Variants in DOCK2 observed in about 807,000 individuals in gnomAD.
The protein encoded by DOCK2 is dedicator of cytokinesis protein 2.
A neutral mutation model predicts 248.9 loss-of-function variants in DOCK2; 87 were observed. The observed-to-expected ratio is 0.35, with a 90% CI of 0.29 to 0.42. DOCK2 has a LOEUF of 0.42. DOCK2 is among the 10% of genes least tolerant of loss of function. The pLI is 1.00. For synonymous variants in DOCK2, 805 were observed against 821.6 expected (o/e 0.98, Z 0.35); for missense variants, 1,747 against 2,300.2 (o/e 0.76, Z 4.92).
intron 3 of DOCK2, 137 bp from the exon 4 acceptor site, chr5:169,670,405 G>T (rs1758981732): frequency 2.0e-6 from 2 of 983,636 alleles, no homozygotes; most frequent in Admixed American, 3.0e-5. Context: ...TCTGGCTCTG[G>T]GTTTATTCCT....
intron 23 of DOCK2, among the ~76,000 whole-genome samples, chr5:169,753,356 AC>A (rs1166233661): frequency 0.025 from 3,567 of 140,154 alleles, 130 homozygotes; most frequent in African/African-American, 0.088. Flanking sequence ...CCCTGCCCTC[AC>A]CCCCCCCCAC....
intron 27 of DOCK2, among the ~76,000 whole-genome samples, chr5:169,921,676 C>T (rs978341337): frequency 4.6e-5 from 7 of 152,166 alleles, no homozygotes; most frequent in African/African-American, 1.7e-4. Context: ...TGGAGAGGAG[C>T]ACTTGGGAGA....
chr5:169,647,282 G>A (rs2113127899), intron 1 of DOCK2, among the ~76,000 whole-genome samples: 1 of 152,258 alleles, frequency 6.6e-6, no homozygotes, highest in South Asian at 2.1e-4. Flanking sequence ...ATAGGTGGAT[G>A]GATAGTTGTT....
chr5:169,790,534 C>A (rs941338429), intron 25 of DOCK2, among the ~76,000 whole-genome samples: 1 of 152,136 alleles, frequency 6.6e-6, no homozygotes, highest in African/African-American at 2.4e-5. Context: ...GTATTCAGAC[C>A]AAAGTGTAGT....
chr5:169,859,402 G>A (rs956107830), intron 27 of DOCK2, among the ~76,000 whole-genome samples: 29 of 152,210 alleles, frequency 1.9e-4, no homozygotes, highest in South Asian at 4.1e-4. Context: ...AGTCAAATGT[G>A]GTTTGTGCTG....
At chr5:169,912,386 G>GTT (rs1774645943) in intron 27 of DOCK2, among the ~76,000 whole-genome samples, 1 of 152,050 alleles carries the variant, frequency 6.6e-6, no homozygotes, top group Non-Finnish European at 1.5e-5. Context: ...ATTGTCTATT[G>GTT]GCTTTCAGGA....
At chr5:169,846,671 T>C (rs113451103) in intron 27 of DOCK2, among the ~76,000 whole-genome samples, 2,300 of 151,200 alleles carry the variant, frequency 0.015, 21 homozygotes, top group Middle Eastern at 0.055. Flanking sequence ...TATATATATA[T>C]ACACACACAC....
chr5:169,699,368 C>CT lies in DOCK2; in HGVS notation c.1056-10dup, dbSNP rs1219978422. On this transcript the variant is annotated splice_polypyrimidine_tract_variant and intron_variant, in intron 11 of 51. Coordinates refer to ENST00000520908, the MANE Select transcript of DOCK2 (RefSeq NM_004946.3). ...ACACGATGTGGACATTTCATGCTCT[C>CT]TTTTCCTTTCCAGGGTTACAGCTGA... The CT allele has an allele frequency of 2.5e-6, 4 of 1,612,034 alleles. No individual in the cohort carries two copies. Among genetic ancestry groups the CT allele is most frequent in the Admixed American group, 3.3e-5 (2 of 59,818 alleles).
intron 26 of DOCK2, among the ~76,000 whole-genome samples, chr5:169,820,630 A>T (rs1358766035): frequency 6.6e-6 from 1 of 152,246 alleles, no homozygotes; most frequent in South Asian, 2.1e-4. Context: ...CGTCACCATC[A>T]TCAAAGATCA....
intron 9 of DOCK2, among the ~76,000 whole-genome samples, chr5:169,693,899 A>T (rs1318580746): frequency 1.3e-5 from 2 of 152,168 alleles, no homozygotes; most frequent in Non-Finnish European, 2.9e-5. Context: ...AGCTGGTTGG[A>T]TGAGGCCCAC....
At chr5:170,046,789 C>G (rs1429252036) in intron 39 of DOCK2, among the ~76,000 whole-genome samples, 1 of 151,944 alleles carries the variant, frequency 6.6e-6, no homozygotes, top group African/African-American at 2.4e-5. Flanking sequence ...CACACACACA[C>G]AGGATACATT....
At chr5:169,996,787 G>A (rs1254146580) in intron 30 of DOCK2, among the ~76,000 whole-genome samples, 7 of 152,164 alleles carry the variant, frequency 4.6e-5, no homozygotes, top group Admixed American at 1.3e-4. Flanking sequence ...GGAAGTCTCC[G>A]ATCCCTAGCA....
intron 23 of DOCK2, among the ~76,000 whole-genome samples, chr5:169,750,142 G>A (rs745935329): frequency 6.6e-6 from 1 of 152,194 alleles, no homozygotes; most frequent in African/African-American, 2.4e-5. Context: ...GGAGAAAGGC[G>A]CTGATGCCCC....
rs1420327059 is a variant in DOCK2 at position 169,637,340 on chromosome 5, G to A, written c.14G>A (p.Arg5His). The A allele has an allele frequency of 1.4e-6, 2 of 1,430,356 alleles. No individual in the cohort carries two copies. The highest frequency in any genetic ancestry group is 1.8e-6 in the Non-Finnish European group (2 of 1,093,528). 88.6% of individuals were successfully genotyped at this position (1,430,356 alleles called of 1,614,324 possible). Residue 5 changes from arginine (R) to histidine (H), a missense_variant, in exon 1 of 52, where the codon CGC (arginine) becomes CAC (histidine). By Grantham distance (29) the Arg-to-His change is conservative. This residue lies in a region of DOCK2 where 375 missense variants were observed against 510.9 expected (regional missense o/e 0.73). Coordinates refer to ENST00000520908, the MANE Select transcript of DOCK2 (RefSeq NM_004946.3). ...CCCGGCCCAGCCATGGCCCCCTGGCGCAAAGCTGACAAGGAGCGGCACGGC... is the reference window on the plus strand; with the variant it reads ...CCCGGCCCAGCCATGGCCCCCTGGCACAAAGCTGACAAGGAGCGGCACGGC... MAPW[R>H]KADKERHGVA...
chr5:169,994,832 T>C (rs1488625066), intron 29 of DOCK2, among the ~76,000 whole-genome samples: 2 of 151,936 alleles, frequency 1.3e-5, no homozygotes, highest in East Asian at 3.9e-4. Flanking sequence ...AAGTCAATGA[T>C]TGATATGATG....
rs138777532 is a variant in DOCK2, at chr5:169,750,867, A to G, written c.2376+3363A>G. 8.3e-3 allele frequency among the ~76,000 whole-genome samples: 1,259 copies of G among 152,362 alleles called. 26 individuals carry two copies. The highest frequency in any genetic ancestry group is 0.029 in the African/African-American group (1,188 of 41,582). On this transcript the variant is annotated intron_variant, in intron 23 of 51. Transcript: ENST00000520908. Reference sequence around the variant, plus strand: ...GAAGAGAACTTAATGATGAGGGCAGAGGTGTCAAGCCCATGTGATGTCAGC... The same window carrying G: ...GAAGAGAACTTAATGATGAGGGCAGGGGTGTCAAGCCCATGTGATGTCAGC...
At chr5:169,878,863 G>A (rs186612623) in intron 27 of DOCK2, among the ~76,000 whole-genome samples, 1 of 152,268 alleles carries the variant, frequency 6.6e-6, no homozygotes, top group African/African-American at 2.4e-5. Context: ...CAAAACCAAA[G>A]GATCCATTCA....
intron 27 of DOCK2, among the ~76,000 whole-genome samples, chr5:169,972,578 TAGATAGATGATAGATAGATAGATA>T (rs1258756707): frequency 1.6e-5 from 1 of 61,088 alleles, no homozygotes; most frequent in African/African-American, 5.9e-5. Context: ...GATAGATAGA[TAGATAGATGATAGATAGATAGATA>T]GATAGATAGA....
chr5:170,044,453 C>T (rs1183459154), intron 38 of DOCK2, among the ~76,000 whole-genome samples: 2 of 152,178 alleles, frequency 1.3e-5, no homozygotes, highest in African/African-American at 4.8e-5. Flanking sequence ...CTTCCTGCCC[C>T]GCCCTTTCCC....
Sources: gnomAD v4.1 joint callset for allele counts (sites outside exome capture counted in the v4.1 genomes callset) on GRCh38, gnomAD v4.1.1 for gene constraint, gnomAD v4.1.1 regional missense constraint, MANE v1.5 for transcripts, NCBI Gene and HGNC (gene_info 2026-07-23, HGNC 2026-07-21) for gene names.